SCFD1: variants seen among roughly 807,000 people sequenced by gnomAD.
The protein encoded by SCFD1 is sec1 family domain-containing protein 1.
Under a neutral mutation model 103.2 loss-of-function variants are expected in SCFD1, and 37 were observed. The observed-to-expected ratio is 0.36, with a 90% CI of 0.28 to 0.47. The LOEUF (loss-of-function observed/expected upper bound fraction) is 0.47. Ranked by LOEUF, SCFD1 falls within the 20% of genes least tolerant of loss-of-function variation. SCFD1 has a pLI of 1.00. For synonymous variants in SCFD1, 264 were observed against 245.0 expected, an observed-to-expected ratio of 1.08 and a Z score of -0.73; for missense variants, 639 against 761.2, an observed-to-expected ratio of 0.84 and a Z score of 1.89.
Position 30,670,286 on chromosome 14 carries a change from G to A in SCFD1, c.886G>A (p.Glu296Lys). ...CCATTTAAACAGGGTTAATTTGGAA[G>A]AATCTTCAGGAGTGGAAAACTCTCC... ...DFHLNRVNLEESSGVENSPAG... is the reference protein window; with the variant it reads ...DFHLNRVNLEKSSGVENSPAG... The change falls in exon 11 of 25, where the codon GAA (glutamate) becomes AAA (lysine). Residue 296 changes from glutamate to lysine, a missense_variant. Glu to Lys is a moderately conservative substitution (Grantham distance 56, BLOSUM62 1). Coordinates refer to ENST00000458591, the MANE Select transcript of SCFD1 (RefSeq NM_016106.4). 1 of 1,592,256 alleles carries A rather than the reference G, an allele frequency of 6.3e-7. No individual in the cohort carries two copies. The highest frequency in any genetic ancestry group is 8.5e-7 in the Non-Finnish European group (1 of 1,172,198).
intron 3 of SCFD1, 167 bp downstream of exon 3, chr14:30,630,732 A>G (rs1884024504): frequency 1.9e-6 from 1 of 523,464 alleles, no homozygotes; most frequent in East Asian, 3.3e-5. Flanking sequence ...CTGAGGCTTT[A>G]TAATTTCAGA....
intron 23 of SCFD1, among the ~76,000 whole-genome samples, chr14:30,728,257 G>A (rs1170501473): frequency 1.3e-5 from 2 of 152,050 alleles, no homozygotes; most frequent in Non-Finnish European, 2.9e-5. Context: ...TTACCACTTT[G>A]AAAAGTGTTT....
intron 10 of SCFD1, among the ~76,000 whole-genome samples, chr14:30,656,504 T>A (rs1446616198): frequency 2.6e-5 from 4 of 152,130 alleles, no homozygotes; most frequent in Admixed American, 6.5e-5. Context: ...GCCTTGACTC[T>A]CTAGGTGCCA....
At chr14:30,652,445 G>A (rs947222972) in intron 9 of SCFD1, 1 of 152,028 alleles carries the variant, frequency 6.6e-6, no homozygotes, top group Non-Finnish European at 1.5e-5. Context: ...TTTTCATTTT[G>A]TATATTATAG....
chr14:30,709,260 A>G (rs1891693636), intron 19 of SCFD1, among the ~76,000 whole-genome samples: 1 of 152,106 alleles, frequency 6.6e-6, no homozygotes, highest in South Asian at 2.1e-4. Flanking sequence ...GGTATTTTAT[A>G]TACTTAATCT....
intron 4 of SCFD1, among the ~76,000 whole-genome samples, chr14:30,637,200 T>A (rs1317240984): frequency 1.3e-5 from 2 of 152,056 alleles, no homozygotes; most frequent in African/African-American, 4.8e-5. Context: ...ATTCTCCCTC[T>A]CTTCCCCTCA....
At chr14:30,636,312 G>A (rs1884716582) in intron 4 of SCFD1, among the ~76,000 whole-genome samples, 1 of 151,616 alleles carries the variant, frequency 6.6e-6, no homozygotes, top group African/African-American at 2.4e-5. Flanking sequence ...TCATATTTAG[G>A]AAACCATTCC....
At chr14:30,653,432 T>C (rs923608230) in intron 9 of SCFD1, 57 bp from the exon 10 acceptor site, 2 of 1,043,398 alleles carry the variant, frequency 1.9e-6, no homozygotes, top group African/African-American at 3.2e-5. Flanking sequence ...GTAGAATATT[T>C]TAGATGTATA....
chr14:30,629,575 TA>T (rs1345245844), intron 2 of SCFD1, among the ~76,000 whole-genome samples: 2 of 148,230 alleles, frequency 1.3e-5, no homozygotes, highest in African/African-American at 5.0e-5. Context: ...TTTAGGGACT[TA>T]ATTTTTTTTT....
Position 30,658,313 on chromosome 14 carries a change from TA to T in SCFD1, c.855+4735del, listed in dbSNP as rs966693097. The T allele has an allele frequency of 7.6e-4, 115 of 151,342 alleles. 1 individual carries two copies. The highest frequency in any genetic ancestry group is 1.6e-3 in the South Asian group (8 of 5,106). 9.4% of individuals were successfully genotyped at this position (151,342 alleles called of 1,614,324 possible). A position where few individuals can be genotyped will look rare whatever the true frequency, so the allele number is the denominator to read the frequency against. ...GTTTACCTTTTTTTCCAGTCAAGAA[TA>T]AAAAAAAAATGGTTTCCAAATAAAT... On this transcript the variant is annotated intron_variant, in intron 10 of 24. Coordinates refer to ENST00000458591, the MANE Select transcript of SCFD1 (RefSeq NM_016106.4).
At chr14:30,672,762 G>A (rs901043668) in intron 11 of SCFD1, among the ~76,000 whole-genome samples, 2 of 152,290 alleles carry the variant, frequency 1.3e-5, no homozygotes, top group African/African-American at 4.8e-5. Context: ...TTTACCAGTA[G>A]TGTTCTGGGA....
chr14:30,629,215 G>A (rs1165497735), intron 2 of SCFD1, among the ~76,000 whole-genome samples: 1 of 151,906 alleles, frequency 6.6e-6, no homozygotes, highest in African/African-American at 2.4e-5. Context: ...TAATACACAT[G>A]TATTGAGATT....
intron 7 of SCFD1, among the ~76,000 whole-genome samples, chr14:30,645,913 G>A (rs543357384): frequency 2.6e-5 from 4 of 152,114 alleles, no homozygotes; most frequent in African/African-American, 4.8e-5. Flanking sequence ...GGGGGAATGC[G>A]TACAGCTTTT....
At chr14:30,698,246 A>G (rs1890832973) in intron 15 of SCFD1, among the ~76,000 whole-genome samples, 2 of 152,212 alleles carry the variant, frequency 1.3e-5, no homozygotes, top group African/African-American at 4.8e-5. Flanking sequence ...AGAGGTTCCA[A>G]GCTGTAGCTA....
At chr14:30,705,910 G>T in intron 18 of SCFD1, 25 bp downstream of exon 18, 2 of 1,586,602 alleles carry the variant, frequency 1.3e-6, no homozygotes, top group Non-Finnish European at 1.7e-6. Flanking sequence ...TAATTCTTTT[G>T]CATCTTTGTA....
intron 10 of SCFD1, among the ~76,000 whole-genome samples, chr14:30,664,828 G>A (rs1887787512): frequency 6.6e-6 from 1 of 152,080 alleles, no homozygotes; most frequent in Non-Finnish European, 1.5e-5. Flanking sequence ...TATGAAACAA[G>A]AAGAGAAGTT....
At chr14:30,692,233 A>G (rs559028284) in intron 14 of SCFD1, among the ~76,000 whole-genome samples, 1 of 152,226 alleles carries the variant, frequency 6.6e-6, no homozygotes, top group East Asian at 1.9e-4. Context: ...CAGCAAATGC[A>G]AGTGCTTGTT....
intron 19 of SCFD1, among the ~76,000 whole-genome samples, chr14:30,714,735 T>C (rs1040424880): frequency 2.0e-5 from 3 of 152,198 alleles, no homozygotes; most frequent in African/African-American, 7.2e-5. Flanking sequence ...AACAATCAGA[T>C]TGAATGTTTT....
intron 21 of SCFD1, among the ~76,000 whole-genome samples, chr14:30,720,407 A>G (rs976987148): frequency 2.0e-5 from 3 of 152,190 alleles, no homozygotes; most frequent in Non-Finnish European, 4.4e-5. Flanking sequence ...TACACTTTAC[A>G]ACAATGGATT....
Sources: gnomAD v4.1 joint callset for allele counts (sites outside exome capture counted in the v4.1 genomes callset) on GRCh38, gnomAD v4.1.1 for gene constraint, MANE v1.5 for transcripts, NCBI Gene and HGNC (gene_info 2026-07-23, HGNC 2026-07-21) for gene names.